The following NMRK1 variants were observed in gnomAD, a reference collection of about 807,000 sequenced individuals.
NMRK1 encodes nicotinamide riboside kinase 1.
Under a neutral mutation model 29.9 loss-of-function variants are expected in NMRK1, and 28 were observed. The ratio of observed to expected loss-of-function variants is 0.94; its 90% CI spans 0.69 to 1.28. The LOEUF (loss-of-function observed/expected upper bound fraction) is 1.28, where lower values mean the gene tolerates loss of function less well. Among genes scored for constraint, NMRK1 ranks in the 50% most tolerant of loss-of-function variants. The pLI is 0.00. For missense variants in NMRK1, 218 were observed against 233.1 expected (o/e 0.94, Z 0.42); for synonymous variants, 58 against 73.0 (o/e 0.79, Z 1.05).
At chr9:75,065,595 AAACGTGAGCCATTGC>A (rs1455357009) in intron 8 of NMRK1, among the ~76,000 whole-genome samples, 1 of 152,164 alleles carries the variant, frequency 6.6e-6, no homozygotes, top group Non-Finnish European at 1.5e-5. Context: ...CTGGGATTAT[AAACGTGAGCCATTGC>A]AACTGGCCAG....
At chr9:75,086,292 C>T (rs766181122) in intron 1 of NMRK1, among the ~76,000 whole-genome samples, 4 of 152,310 alleles carry the variant, frequency 2.6e-5, no homozygotes, top group East Asian at 1.9e-4. Flanking sequence ...ATGCAAGCTT[C>T]GTACAAACTG....
chr9:75,086,908 G>T (rs369082573), intron 1 of NMRK1, among the ~76,000 whole-genome samples: 6 of 143,186 alleles, frequency 4.2e-5, no homozygotes, highest in East Asian at 2.1e-4. Flanking sequence ...TCAAGGCTGG[G>T]TTTTTTTTTT....
chr9:75,078,621 G>A (rs1824147330), intron 2 of NMRK1: 2 of 1,121,400 alleles, frequency 1.8e-6, no homozygotes, highest in African/African-American at 1.6e-5. Flanking sequence ...ACTTGAATGA[G>A]AAAAAAATTA....
intron 8 of NMRK1, 149 bp downstream of exon 8, chr9:75,066,608 T>G: frequency 1.5e-6 from 1 of 665,978 alleles, no homozygotes; most frequent in Non-Finnish European, 2.7e-6. Flanking sequence ...CCCCCCAGAA[T>G]TTCTGATTCT....
chr9:75,078,208 C>A, intron 2 of NMRK1: 1 of 1,449,986 alleles, frequency 6.9e-7, no homozygotes, highest in Admixed American at 2.3e-5. Flanking sequence ...ATATGCAACA[C>A]AGAGAATATG....
chr9:75,087,456 C>T (rs35223569), intron 1 of NMRK1: 6,922 of 152,172 alleles, frequency 0.045, 247 homozygotes, highest in Middle Eastern at 0.078. Flanking sequence ...TGCTACTCAA[C>T]CCTGCTGGGT....
At chr9:75,066,083 A>C (rs1823321559) in intron 8 of NMRK1, among the ~76,000 whole-genome samples, 2 of 152,210 alleles carry the variant, frequency 1.3e-5, no homozygotes, top group African/African-American at 4.8e-5. Flanking sequence ...TGGAGGTTGC[A>C]AATTATTTTT....
In NMRK1 at chr9:75,070,377, A is replaced by C. The variant is rs543625000; in HGVS notation, c.170-335T>G. Among the ~76,000 whole-genome samples the C allele has an allele frequency of 2.6e-5, 4 of 152,320 alleles. No individual in the cohort carries two copies. The South Asian group carries it at 8.3e-4, about 32-fold the overall frequency. On this transcript the variant is annotated intron_variant, in intron 4 of 8. Coordinates refer to ENST00000361092, the MANE Select transcript of NMRK1 (RefSeq NM_017881.3). The stretch of plus-strand genomic sequence containing the variant: ...TCTCTCCTGACTACACAAAAATTTA[A>C]AATTTTTAGAAGATGAAATATCTAC...
intron 4 of NMRK1, among the ~76,000 whole-genome samples, chr9:75,075,523 C>T (rs755791472): frequency 1.3e-5 from 2 of 152,166 alleles, no homozygotes; most frequent in Non-Finnish European, 2.9e-5. Context: ...AGAGAGCTCC[C>T]TCTGTCACTA....
At position 75,067,690 on chromosome 9, in the gene NMRK1, G is replaced by A. The variant is rs552961674; in HGVS notation, c.497-850C>T. ...GGAGCCTGATTAGATTTGCATTTTA[G>A]GTAAAAGGGAGAGAAGGGAAGCAAG... On this transcript the variant is annotated intron_variant, in intron 7 of 8. Coordinates refer to ENST00000361092, the MANE Select transcript of NMRK1 (RefSeq NM_017881.3). Among the ~76,000 whole-genome samples the A allele has an allele frequency of 2.0e-5, 3 of 152,150 alleles. No homozygotes were observed. In the East Asian group the frequency reaches 5.8e-4, roughly 29 times the overall value.
chr9:75,083,069 T>G lies in NMRK1; in HGVS notation c.29+18A>C, dbSNP rs1048552003. 2.5e-6 allele frequency: 4 copies of G among 1,575,008 alleles called. No individual in the cohort carries two copies. Among genetic ancestry groups the G allele is most frequent in the Non-Finnish European group, 3.5e-6 (4 of 1,144,526 alleles). On this transcript the variant is annotated intron_variant, in intron 2 of 8. Coordinates refer to ENST00000361092, the MANE Select transcript of NMRK1 (RefSeq NM_017881.3). ...ATCCTCAGTATCTTAAAGAGCTGTT[T>G]GTAGCAAAATTACTCACCCACTGAT...
intron 8 of NMRK1, among the ~76,000 whole-genome samples, chr9:75,063,963 T>G (rs571804796): frequency 3.6e-4 from 40 of 112,276 alleles, no homozygotes; most frequent in Non-Finnish European, 1.8e-4. Context: ...CTCTTTTAAG[T>G]TTTTTTTTTA....
chr9:75,084,342 G>A (rs775187367), intron 1 of NMRK1, among the ~76,000 whole-genome samples: 3 of 152,200 alleles, frequency 2.0e-5, no homozygotes, highest in Non-Finnish European at 4.4e-5. Flanking sequence ...CTCTCCCTGG[G>A]GAGGGGTTAT....
chr9:75,080,409 T>C (rs1824248603), intron 2 of NMRK1, among the ~76,000 whole-genome samples: 1 of 152,128 alleles, frequency 6.6e-6, no homozygotes, highest in Admixed American at 6.5e-5. Context: ...CCCAGTACTT[T>C]GGGAGGTCGA....
intron 7 of NMRK1, among the ~76,000 whole-genome samples, chr9:75,068,213 T>A (rs994676363): frequency 3.2e-4 from 49 of 152,178 alleles, no homozygotes; most frequent in Non-Finnish European, 2.9e-5. Flanking sequence ...TATAAATCTA[T>A]CCTCCTCCAT....
intron 8 of NMRK1, among the ~76,000 whole-genome samples, chr9:75,064,397 T>C (rs1315616240): frequency 6.6e-6 from 1 of 152,168 alleles, no homozygotes; most frequent in Non-Finnish European, 1.5e-5. Flanking sequence ...GAGAAGTGGC[T>C]CTGGCTCATG....
chr9:75,079,261 G>A (rs1388830784), intron 2 of NMRK1, among the ~76,000 whole-genome samples: 1 of 152,170 alleles, frequency 6.6e-6, no homozygotes, highest in East Asian at 1.9e-4. Flanking sequence ...CTTTGAAAAC[G>A]ATGAAAAGTG....
At chr9:75,070,291 C>T (rs1402870835) in intron 4 of NMRK1, among the ~76,000 whole-genome samples, 1 of 152,164 alleles carries the variant, frequency 6.6e-6, no homozygotes, top group Admixed American at 6.5e-5. Flanking sequence ...TCCTAGGTCC[C>T]TATTACCAGC....
At position 75,069,889 on chromosome 9, in the gene NMRK1, G is replaced by C. The variant is rs1466305434; in HGVS notation, c.317+6C>G. 1.2e-6 allele frequency: 2 copies of C among 1,613,132 alleles called. No homozygotes were observed. Among genetic ancestry groups the C allele is most frequent in the East Asian group, 4.5e-5 (2 of 44,868 alleles). On this transcript the variant is annotated splice_donor_region_variant and intron_variant, in intron 5 of 8. Transcript: ENST00000361092. ...TCAGAGACAATATTAGGGTGGAGATGCTTACTTATAATTAAAAAGAAGAAA... is the reference window on the plus strand; with the variant it reads ...TCAGAGACAATATTAGGGTGGAGATCCTTACTTATAATTAAAAAGAAGAAA...
Sources: allele counts gnomAD v4.1 joint callset (sites outside exome capture counted in the v4.1 genomes callset), GRCh38; gene constraint gnomAD v4.1.1; transcripts MANE v1.5; gene names NCBI Gene and HGNC (gene_info 2026-07-23, HGNC 2026-07-21).